ZNF831: variants seen among roughly 807,000 people sequenced by gnomAD.
ZNF831 encodes chromosome 20 open reading frame 174.
A neutral mutation model predicts 95.8 loss-of-function variants in ZNF831; 59 were observed. The observed-to-expected ratio is 0.62, with a 90% CI of 0.50 to 0.77. The LOEUF is 0.77. ZNF831 is among the 30% of genes least tolerant of loss of function. The pLI, the probability that ZNF831 is intolerant of heterozygous loss-of-function variation, is 0.00. For synonymous variants in ZNF831, 961 were observed against 925.5 expected (o/e 1.04, Z -0.70); for missense variants, 2,205 against 2,164.0 (o/e 1.02, Z -0.38).
upstream of ZNF831, among the ~76,000 whole-genome samples, chr20:59,159,053 A>G (rs183182823): frequency 6.6e-6 from 1 of 152,308 alleles, no homozygotes; most frequent in Non-Finnish European, 1.5e-5. Context: ...AGTTATTTTA[A>G]TGAATATTAC....
chr20:59,210,423 C>T (rs534638211), intron 4 of ZNF831, among the ~76,000 whole-genome samples: 25 of 152,288 alleles, frequency 1.6e-4, no homozygotes, highest in Middle Eastern at 3.4e-3. Context: ...AGCTGAAATC[C>T]GTCTGTGGCC....
chr20:59,205,116 A>C (rs1288857732), intron 3 of ZNF831, among the ~76,000 whole-genome samples: 2 of 152,168 alleles, frequency 1.3e-5, no homozygotes, highest in Non-Finnish European at 2.9e-5. Context: ...ACCTCCCTGC[A>C]GTTCAAACTG....
At chr20:59,206,683 G>A (rs1207791043) in intron 3 of ZNF831, among the ~76,000 whole-genome samples, 1 of 152,198 alleles carries the variant, frequency 6.6e-6, no homozygotes, top group Non-Finnish European at 1.5e-5. Context: ...GAAGCATTTT[G>A]TGACCACCTC....
intron 4 of ZNF831, among the ~76,000 whole-genome samples, chr20:59,210,522 G>C (rs574559639): frequency 1.3e-5 from 2 of 152,320 alleles, no homozygotes; most frequent in South Asian, 4.1e-4. Flanking sequence ...CTCCACAGGG[G>C]ACACAGTTCC....
At chr20:59,234,912 T>C (rs1568787249) in intron 4 of ZNF831, among the ~76,000 whole-genome samples, 1 of 152,206 alleles carries the variant, frequency 6.6e-6, no homozygotes, top group Admixed American at 6.5e-5. Flanking sequence ...TAATGACCCA[T>C]TAACTATTGA....
At chr20:59,201,026 A>T (rs995340892) in intron 3 of ZNF831, among the ~76,000 whole-genome samples, 1 of 152,196 alleles carries the variant, frequency 6.6e-6, no homozygotes, top group African/African-American at 2.4e-5. Context: ...ATCATATGGT[A>T]GATGTATTAT....
chr20:59,224,321 T>C (rs1986296593), intron 4 of ZNF831, among the ~76,000 whole-genome samples: 1 of 152,162 alleles, frequency 6.6e-6, no homozygotes, highest in Non-Finnish European at 1.5e-5. Flanking sequence ...TAGCATCCTC[T>C]TCCAAGCTGA....
At position 59,186,942 on chromosome 20, in the gene ZNF831, GA is replaced by G. The variant is rs79609582; in HGVS notation, c.-36-4028del. On this transcript the variant is annotated intron_variant, in intron 1 of 5. Transcript: ENST00000371030. The stretch of plus-strand genomic sequence containing the variant: ...AAATGTTGAGACTGGCTTTCAGGAT[GA>G]AAAAAAAAAAAAAGGACTGACTTGT... Among the ~76,000 whole-genome samples the G allele has an allele frequency of 9.8e-3, 1,306 of 133,578 alleles. 10 individuals carry two copies. The highest frequency in any genetic ancestry group is 0.018 in the African/African-American group (663 of 36,382). 87.6% of individuals were successfully genotyped at this position (133,578 alleles called of 152,430 possible). A position where few individuals can be genotyped will look rare whatever the true frequency, so the allele number is the denominator to read the frequency against.
At chr20:59,190,641 T>C (rs1020768462) in intron 1 of ZNF831, among the ~76,000 whole-genome samples, 4 of 152,222 alleles carry the variant, frequency 2.6e-5, no homozygotes, top group African/African-American at 9.6e-5. Flanking sequence ...ACTTTCTGAG[T>C]GTCTCTGCAT....
At chr20:59,200,280 G>T (rs1384992382) in intron 3 of ZNF831, among the ~76,000 whole-genome samples, 1 of 152,048 alleles carries the variant, frequency 6.6e-6, no homozygotes, top group Non-Finnish European at 1.5e-5. Flanking sequence ...TCCAAATATT[G>T]CCTCTGTCCT....
chr20:59,167,285 GT>G (rs982899973), intron 1 of ZNF831, among the ~76,000 whole-genome samples: 4 of 150,800 alleles, frequency 2.7e-5, no homozygotes, highest in Admixed American at 1.3e-4. Flanking sequence ...ATTGTTGTTG[GT>G]TTTTTTTTAA....
At chr20:59,202,854 C>T (rs1984629497) in intron 3 of ZNF831, among the ~76,000 whole-genome samples, 1 of 152,036 alleles carries the variant, frequency 6.6e-6, no homozygotes, top group Admixed American at 6.6e-5. Context: ...TTGGTTTTTG[C>T]CTTTGAACTA....
At chr20:59,161,947 C>T (rs1317863202), upstream of ZNF831, among the ~76,000 whole-genome samples, 1 of 152,100 alleles carries the variant, frequency 6.6e-6, no homozygotes. Flanking sequence ...ACTTTTTAGT[C>T]ATAGCCATTC....
chr20:59,233,196 A>G (rs1986830481), intron 4 of ZNF831, among the ~76,000 whole-genome samples: 1 of 152,102 alleles, frequency 6.6e-6, no homozygotes, highest in Non-Finnish European at 1.5e-5. Context: ...CTCTGCATGA[A>G]GTTGAGAGTC....
chr20:59,216,781 G>A (rs182142160), intron 4 of ZNF831, among the ~76,000 whole-genome samples: 4 of 152,200 alleles, frequency 2.6e-5, no homozygotes, highest in East Asian at 1.9e-4. Flanking sequence ...GGCCTCAGTC[G>A]GGGCCTGAAA....
Position 59,193,328 on chromosome 20 carries a change from G to T in ZNF831, c.2309G>T (p.Gly770Val), listed in dbSNP as rs1269367788. The T allele has an allele frequency of 1.2e-6, 2 of 1,613,170 alleles. No individual in the cohort carries two copies. Among genetic ancestry groups the T allele is most frequent in the Non-Finnish European group, 1.7e-6 (2 of 1,179,598 alleles). ...QMPPAPGPLK[G>V]GDVEAPRPVW... ...CCCCCAGCACCTGGCCCCCTCAAAGGGGGTGATGTAGAGGCTCCCAGGCCA... is the reference window on the plus strand; with the variant it reads ...CCCCCAGCACCTGGCCCCCTCAAAGTGGGTGATGTAGAGGCTCCCAGGCCA... Residue 770 changes from glycine to valine, a missense_variant, in exon 2 of 6, where the codon GGG becomes GTG. Coordinates refer to ENST00000371030, the MANE Select transcript of ZNF831 (RefSeq NM_178457.3).
At chr20:59,161,997 G>A (rs925642662), upstream of ZNF831, among the ~76,000 whole-genome samples, 2 of 152,080 alleles carry the variant, frequency 1.3e-5, no homozygotes, top group African/African-American at 2.4e-5. Flanking sequence ...GTTTTGATTT[G>A]CATTTCTCTG....
At chr20:59,126,097 T>C (rs1362343708) in intron 1 of ZNF831, among the ~76,000 whole-genome samples, 1 of 152,204 alleles carries the variant, frequency 6.6e-6, no homozygotes, top group Non-Finnish European at 1.5e-5. Context: ...AAGTTACTTT[T>C]AATCATTACC....
chr20:59,227,727 T>G (rs1986506432), intron 4 of ZNF831, among the ~76,000 whole-genome samples: 1 of 152,250 alleles, frequency 6.6e-6, no homozygotes, highest in African/African-American at 2.4e-5. Context: ...GTAGGAATAG[T>G]CTTAGCTAAC....
Sources: gnomAD v4.1 joint callset for allele counts (sites outside exome capture counted in the v4.1 genomes callset) on GRCh38, gnomAD v4.1.1 for gene constraint, MANE v1.5 for transcripts, NCBI Gene and HGNC (gene_info 2026-07-23, HGNC 2026-07-21) for gene names.